NRXN1: variants seen among roughly 807,000 people sequenced by gnomAD.
NRXN1 encodes neurexin-1.
In NRXN1, 39 loss-of-function variants were observed where a neutral mutation model predicts 150.9. The observed-to-expected ratio is 0.26, with a 90% CI of 0.20 to 0.34. The LOEUF (loss-of-function observed/expected upper bound fraction) is 0.34. NRXN1 is among the 10% of genes least tolerant of loss of function. The pLI, the probability that NRXN1 is intolerant of heterozygous loss-of-function variation, is 1.00. For synonymous variants in NRXN1, 924 were observed against 757.0 expected, an observed-to-expected ratio of 1.22 and a Z score of -3.62; for missense variants, 1,815 against 1,949.9, an observed-to-expected ratio of 0.93 and a Z score of 1.30.
In NRXN1 at chr2:51,027,972, G is replaced by A. The variant is rs200184823; in HGVS notation, c.302C>T (p.Ala101Val). 1 of 1,601,688 alleles carries A rather than the reference G, an allele frequency of 6.2e-7. No individual in the cohort carries two copies. Among genetic ancestry groups the A allele is most frequent in the Non-Finnish European group, 8.5e-7 (1 of 1,179,370 alleles). The change falls in exon 2 of 23, where the codon GCG becomes GTG. Residue 101 changes from alanine to valine, a missense_variant. By Grantham distance (64) the Ala-to-Val change is moderately conservative (BLOSUM62 0). This residue lies in a region of NRXN1 where 554 missense variants were observed against 478.8 expected (regional missense o/e 1.16). Transcript: ENST00000401669. The part of the protein sequence containing the change: ...LSFSIFCAEP[A>V]TLLADTPVND... ...AACCGGCGTGTCGGCCAGGAGCGTC[G>A]CAGGCTCAGCGCAGAAGATGGAGAA... is the stretch of plus-strand genomic sequence containing the variant.
Position 50,802,046 on chromosome 2 carries a change from A to G in NRXN1, c.832+119823T>C, listed in dbSNP as rs1185798666. 4.6e-5 allele frequency among the ~76,000 whole-genome samples: 7 copies of G among 152,040 alleles called. No homozygotes were observed. The South Asian group carries it at 1.4e-3, about 31-fold the overall frequency. ...TTGATAGTTTAATATTTCTGTGTGG[A>G]AAAAAAATCAAACCCAACAAAAGAA... On this transcript the variant is annotated intron_variant, in intron 5 of 22. Coordinates refer to ENST00000401669, the MANE Select transcript of NRXN1 (RefSeq NM_001330078.2).
At chr2:50,236,416 G>A (rs2065426826) in intron 18 of NRXN1, among the ~76,000 whole-genome samples, 1 of 152,010 alleles carries the variant, frequency 6.6e-6, no homozygotes, top group Non-Finnish European at 1.5e-5. Flanking sequence ...ATCTTTGGAT[G>A]TCACCAGTAT....
intron 5 of NRXN1, among the ~76,000 whole-genome samples, chr2:50,665,745 C>T (rs1687932005): frequency 1.3e-5 from 2 of 151,840 alleles, no homozygotes; most frequent in Admixed American, 6.6e-5. Context: ...ATTGAATCAA[C>T]TAAAAAACAC....
At chr2:50,142,896 A>C (rs1707477222) in intron 18 of NRXN1, among the ~76,000 whole-genome samples, 1 of 151,896 alleles carries the variant, frequency 6.6e-6, no homozygotes, top group African/African-American at 2.4e-5. Context: ...CCTACAAAGA[A>C]TACAGTAAGA....
At chr2:51,019,477 AAGGAGAG>A (rs1669257595) in intron 2 of NRXN1, among the ~76,000 whole-genome samples, 1 of 152,114 alleles carries the variant, frequency 6.6e-6, no homozygotes, top group South Asian at 2.1e-4. Context: ...CCTTACCTTT[AAGGAGAG>A]GCATCTAGTC....
At chr2:50,358,041 A>G (rs946639997) in intron 17 of NRXN1, among the ~76,000 whole-genome samples, 1 of 152,122 alleles carries the variant, frequency 6.6e-6, no homozygotes, top group Non-Finnish European at 1.5e-5. Context: ...GGATGGTGCT[A>G]TCCAGCCCAC....
chr2:50,763,592 A>G lies in NRXN1; in HGVS notation c.833-139977T>C, dbSNP rs1195489731. On this transcript the variant is annotated intron_variant, in intron 5 of 22. Transcript: ENST00000401669. The stretch of plus-strand genomic sequence containing the variant: ...TAGCTGAGAGCTTTTTATATCTAGG[A>G]ACCAAATTTCCACTTCTGCTCTCCA... Among the ~76,000 whole-genome samples, 3 of 152,010 alleles carry G rather than the reference A, an allele frequency of 2.0e-5. No homozygotes were observed. In the East Asian group the frequency reaches 5.9e-4, roughly 30 times the overall value.
intron 18 of NRXN1, among the ~76,000 whole-genome samples, chr2:50,209,817 G>C (rs950784775): frequency 5.1e-5 from 6 of 116,864 alleles, no homozygotes; most frequent in African/African-American, 2.0e-4. Flanking sequence ...AATAAAATGA[G>C]AAATGTCATA....
At chr2:50,505,254 C>G (rs1175873557) in intron 13 of NRXN1, among the ~76,000 whole-genome samples, 1 of 152,086 alleles carries the variant, frequency 6.6e-6, no homozygotes, top group African/African-American at 2.4e-5. Flanking sequence ...AACGTAGGTT[C>G]TCTCCTCAGA....
intron 5 of NRXN1, among the ~76,000 whole-genome samples, chr2:50,844,112 T>C (rs1167332023): frequency 1.3e-5 from 2 of 152,054 alleles, no homozygotes; most frequent in Non-Finnish European, 2.9e-5. Context: ...ACAGCGAAAG[T>C]GAGACTTTTA....
At chr2:50,794,877 T>A (rs1706582784) in intron 5 of NRXN1, among the ~76,000 whole-genome samples, 1 of 152,124 alleles carries the variant, frequency 6.6e-6, no homozygotes, top group South Asian at 2.1e-4. Flanking sequence ...CTGAAAACAT[T>A]TTTCAGACTC....
chr2:50,033,071 T>A (rs942826060), intron 21 of NRXN1, among the ~76,000 whole-genome samples: 2 of 151,894 alleles, frequency 1.3e-5, no homozygotes, highest in African/African-American at 4.8e-5. Context: ...ATATATGTTA[T>A]ATTTGTCTCT....
chr2:50,880,011 A>C (rs563930039), intron 5 of NRXN1, among the ~76,000 whole-genome samples: 1 of 152,060 alleles, frequency 6.6e-6, no homozygotes, highest in East Asian at 2.0e-4. Flanking sequence ...CCAGTACTCT[A>C]TACTAGCAGT....
Position 50,347,041 on chromosome 2 carries a change from T to C in NRXN1, c.3365-110071A>G. ...GCGCAGGGGAGCGGGCGGCGCGGAG[T>C]GGGCTGAGGGGCCGGCCGCCTCACC... On this transcript the variant is annotated intron_variant, in intron 17 of 22. Coordinates refer to ENST00000401669, the MANE Select transcript of NRXN1 (RefSeq NM_001330078.2). The surrounding 1 kb of genome is among the most constrained non-coding windows in gnomAD (Gnocchi z 4.9). 7.3e-7 allele frequency: 1 copy of C among 1,363,166 alleles called. No individual in the cohort carries two copies. Among genetic ancestry groups the C allele is most frequent in the Non-Finnish European group, 9.6e-7 (1 of 1,046,292 alleles). The allele number at this position is 1,363,166 out of a possible 1,614,324, so 84.4% of individuals were successfully genotyped here.
At chr2:50,501,353 G>A (rs531737377) in intron 13 of NRXN1, among the ~76,000 whole-genome samples, 70 of 151,532 alleles carry the variant, frequency 4.6e-4, no homozygotes, top group Non-Finnish European at 8.3e-4. Context: ...AGCTAAGGAG[G>A]ATTTGAAGCA....
At chr2:50,978,091 T>C (rs1696147265) in intron 2 of NRXN1, among the ~76,000 whole-genome samples, 1 of 151,102 alleles carries the variant, frequency 6.6e-6, no homozygotes. Flanking sequence ...CAGTGATCTA[T>C]ACATTTTAAA....
intron 8 of NRXN1, among the ~76,000 whole-genome samples, chr2:50,593,271 C>T (rs181898426): frequency 2.0e-5 from 3 of 152,290 alleles, no homozygotes; most frequent in Non-Finnish European, 4.4e-5. Flanking sequence ...TTCTTCATTC[C>T]AGTCAGCCCA....
At chr2:49,932,340 G>C (rs12995774) in intron 22 of NRXN1, among the ~76,000 whole-genome samples, 22,356 of 152,130 alleles carry the variant, frequency 0.15, 2,092 homozygotes, top group East Asian at 0.23. Flanking sequence ...AGGATCACTT[G>C]AGCCCAGCAG....
At position 49,994,670 on chromosome 2, in the gene NRXN1, T is replaced by C. The variant is rs1363499859; in HGVS notation, c.4129-50879A>G. 2.0e-5 allele frequency among the ~76,000 whole-genome samples: 3 copies of C among 152,120 alleles called. No individual in the cohort carries two copies. The East Asian group carries it at 5.8e-4, about 29-fold the overall frequency. ...ACTTCAAGGAAACAAAGACAGAACA[T>C]GGTCATCCTAAACCCCAGAGGCAAA... On this transcript the variant is annotated intron_variant, in intron 21 of 22. Coordinates refer to ENST00000401669, the MANE Select transcript of NRXN1 (RefSeq NM_001330078.2).
Sources: gnomAD v4.1 joint callset for allele counts (sites outside exome capture counted in the v4.1 genomes callset) on GRCh38, gnomAD v4.1.1 for gene constraint, gnomAD v4.1.1 regional missense constraint, Gnocchi (gnomAD v3.1) non-coding constraint, MANE v1.5 for transcripts, NCBI Gene and HGNC (gene_info 2026-07-23, HGNC 2026-07-21) for gene names.